Variants in CALD1 observed in about 807,000 individuals in gnomAD.
CALD1 encodes caldesmon 1.
Under a neutral mutation model 99.9 loss-of-function variants are expected in CALD1, and 33 were observed. That is an observed-to-expected ratio of 0.33 (90% confidence interval 0.25 to 0.44). CALD1 has a LOEUF of 0.44. Ranked by LOEUF, CALD1 falls within the 20% of genes least tolerant of loss-of-function variation. The pLI is 1.00. For synonymous variants in CALD1, 310 were observed against 325.0 expected (o/e 0.95, Z 0.50); for missense variants, 861 against 962.1 (o/e 0.89, Z 1.39).
rs1337115614 is a variant in CALD1, at chr7:134,947,719, G to C, written c.1744G>C (p.Glu582Gln). Residue 582 changes from glutamate (E) to glutamine (Q), a missense_variant, in exon 8 of 15, where the codon GAA becomes CAA. By Grantham distance (29) the Glu-to-Gln change is conservative. Around this residue, in one of 5 missense-constraint regions of CALD1, gnomAD observed 293 missense variants for 262.7 expected, o/e 1.12. Transcript: ENST00000361675. ...REERRKVLEE[E>Q]EQRRKQEEAD... ...GGAGAGAAGGAAGGTCCTGGAGGAG[G>C]AAGAGCAGAGGAGGAAGCAGGAGGA... 1 of 1,613,658 alleles carries C rather than the reference G, an allele frequency of 6.2e-7. No homozygotes were observed. The highest frequency in any genetic ancestry group is 8.5e-7 in the Non-Finnish European group (1 of 1,179,750).
chr7:134,904,685 G>A (rs1210981018), intron 3 of CALD1, among the ~76,000 whole-genome samples: 2 of 152,134 alleles, frequency 1.3e-5, no homozygotes, highest in African/African-American at 4.8e-5. Context: ...ATTGGGTCTA[G>A]GGAGCTTTTG....
At chr7:134,751,407 A>C (rs564617955) in intron 1 of CALD1, among the ~76,000 whole-genome samples, 1 of 152,264 alleles carries the variant, frequency 6.6e-6, no homozygotes, top group South Asian at 2.1e-4. Context: ...TTCTCATCTT[A>C]CACTTGTTGT....
At chr7:134,790,453 G>A (rs1797482378) in intron 1 of CALD1, among the ~76,000 whole-genome samples, 1 of 152,178 alleles carries the variant, frequency 6.6e-6, no homozygotes, top group South Asian at 2.1e-4. Flanking sequence ...ATTCTCTACA[G>A]CTATCTGCTC....
chr7:134,786,880 T>C (rs1797327277), intron 1 of CALD1, among the ~76,000 whole-genome samples: 1 of 152,192 alleles, frequency 6.6e-6, no homozygotes, highest in Non-Finnish European at 1.5e-5. Flanking sequence ...ACCAGTATCT[T>C]AATCAGAATC....
intron 1 of CALD1, among the ~76,000 whole-genome samples, chr7:134,765,608 C>G (rs1796818464): frequency 1.3e-5 from 2 of 152,128 alleles, no homozygotes; most frequent in Admixed American, 6.5e-5. Flanking sequence ...CAATGTATTC[C>G]CAGGTGATAT....
chr7:134,829,092 G>T (rs1477545364), intron 1 of CALD1, among the ~76,000 whole-genome samples: 5 of 152,146 alleles, frequency 3.3e-5, no homozygotes, highest in Non-Finnish European at 7.3e-5. Context: ...CTACTAAATG[G>T]CAGGCAACTG....
rs561516147 is a variant in CALD1, at chr7:134,901,336, G to T, written c.72-27418G>T. ...CTTGAGCGAATTACTGAATCTCTCT[G>T]AGTTTCTCAGCTGATTGATCTACAA... is the stretch of plus-strand genomic sequence containing the variant. On this transcript the variant is annotated intron_variant, in intron 3 of 14. Coordinates refer to ENST00000361675, the MANE Select transcript of CALD1 (RefSeq NM_033138.4). Among the ~76,000 whole-genome samples the T allele has an allele frequency of 3.9e-4, 59 of 152,116 alleles. 1 individual carries two copies. Among genetic ancestry groups the T allele is most frequent in the African/African-American group, 1.4e-3 (59 of 41,420 alleles).
At chr7:134,763,862 G>C in intron 1 of CALD1, among the ~76,000 whole-genome samples, 1 of 149,430 alleles carries the variant, frequency 6.7e-6, no homozygotes, top group Non-Finnish European at 1.5e-5. Context: ...AGTTTGCAGT[G>C]AGCCGAGATC....
intron 9 of CALD1, among the ~76,000 whole-genome samples, chr7:134,954,447 A>G (rs547673423): frequency 6.6e-6 from 1 of 152,304 alleles, no homozygotes; most frequent in East Asian, 1.9e-4. Flanking sequence ...CTTAAACAGA[A>G]CATTTAATAT....
chr7:134,825,047 A>AT, intron 1 of CALD1, among the ~76,000 whole-genome samples: 1 of 152,140 alleles, frequency 6.6e-6, no homozygotes, highest in East Asian at 1.9e-4. Context: ...ACCTATGCAC[A>AT]TTTTTATCAT....
the CALD1 span, among the ~76,000 whole-genome samples, chr7:134,712,046 A>AGG: frequency 2.7e-5 from 1 of 36,880 alleles, no homozygotes; most frequent in African/African-American, 2.3e-4. Context: ...AAGGAGGGAG[A>AGG]GAGGGAGGGA....
the CALD1 span, among the ~76,000 whole-genome samples, chr7:134,735,451 A>G: frequency 6.6e-6 from 1 of 152,148 alleles, no homozygotes; most frequent in Non-Finnish European, 1.5e-5. Context: ...GTAATGCCAT[A>G]TATGCGTACA....
chr7:134,947,593 C>T lies in CALD1; in HGVS notation c.1618C>T (p.Arg540Cys). The change falls in exon 8 of 15, where the codon CGT (arginine) becomes TGT (cysteine). Residue 540 changes from arginine to cysteine, a missense_variant. This residue lies in a region of CALD1 where 293 missense variants were observed against 262.7 expected (regional missense o/e 1.12). Coordinates refer to ENST00000361675, the MANE Select transcript of CALD1 (RefSeq NM_033138.4). ...VEAGKRLEELRRRRGETESEE... is the reference protein window; with the variant it reads ...VEAGKRLEELCRRRGETESEE... ...AGCCGGCAAAAGGCTGGAGGAGCTTCGTCGTCGTCGCGGGGAGACCGAGAG... is the reference window on the plus strand; with the variant it reads ...AGCCGGCAAAAGGCTGGAGGAGCTTTGTCGTCGTCGCGGGGAGACCGAGAG... The T allele has an allele frequency of 1.3e-6, 2 of 1,560,554 alleles. No homozygotes were observed. Among genetic ancestry groups the T allele is most frequent in the Non-Finnish European group, 8.7e-7 (1 of 1,151,924 alleles).
At chr7:134,957,226 G>C (rs1443205760) in intron 9 of CALD1, among the ~76,000 whole-genome samples, 1 of 152,132 alleles carries the variant, frequency 6.6e-6, no homozygotes. Flanking sequence ...CCCTTGTCAA[G>C]TTAGGAAATC....
At chr7:134,852,769 G>A (rs1800133546) in intron 2 of CALD1, among the ~76,000 whole-genome samples, 1 of 152,190 alleles carries the variant, frequency 6.6e-6, no homozygotes, top group Non-Finnish European at 1.5e-5. Context: ...AGATTCGGCT[G>A]AGAGCTGAGA....
intron 3 of CALD1, among the ~76,000 whole-genome samples, chr7:134,895,379 C>T (rs540479801): frequency 2.7e-5 from 4 of 150,264 alleles, no homozygotes; most frequent in African/African-American, 9.8e-5. Context: ...TTCATTAAAG[C>T]AGATATTACA....
At chr7:134,812,767 C>G (rs192316623) in intron 1 of CALD1, among the ~76,000 whole-genome samples, 1 of 152,162 alleles carries the variant, frequency 6.6e-6, no homozygotes, top group East Asian at 1.9e-4. Flanking sequence ...GTTAAATAAG[C>G]AGTTGGATAT....
intron 4 of CALD1, among the ~76,000 whole-genome samples, chr7:134,930,249 C>A (rs1160879421): frequency 6.6e-6 from 1 of 152,094 alleles, no homozygotes; most frequent in Non-Finnish European, 1.5e-5. Flanking sequence ...GCTTTTGCAG[C>A]AGAAATAAGG....
At chr7:134,908,595 T>C (rs1393638906) in intron 3 of CALD1, among the ~76,000 whole-genome samples, 2 of 152,196 alleles carry the variant, frequency 1.3e-5, no homozygotes, top group African/African-American at 4.8e-5. Flanking sequence ...TTCTAATGTC[T>C]AGATCAGACC....
Sources: allele counts gnomAD v4.1 joint callset (sites outside exome capture counted in the v4.1 genomes callset), GRCh38; gene constraint gnomAD v4.1.1; regional missense constraint gnomAD v4.1.1; transcripts MANE v1.5; gene names NCBI Gene and HGNC (gene_info 2026-07-23, HGNC 2026-07-21).